The following ADGRG7 variants were observed in gnomAD, a reference collection of about 807,000 sequenced individuals.
The protein encoded by ADGRG7 is G-protein coupled receptor 128.
In ADGRG7, 82 loss-of-function variants were observed where a neutral mutation model predicts 88.6. The observed-to-expected ratio is 0.93, with a 90% confidence interval of 0.77 to 1.11. ADGRG7 has a LOEUF of 1.11. Among genes scored for constraint, ADGRG7 ranks in the 50% most tolerant of loss-of-function variants. ADGRG7 has a pLI of 0.00. For synonymous variants in ADGRG7, 381 were observed against 345.2 expected, an observed-to-expected ratio of 1.10 and a Z score of -1.15; for missense variants, 945 against 953.4, an observed-to-expected ratio of 0.99 and a Z score of 0.12.
At chr3:100,688,677 T>C (rs1023941302) in intron 15 of ADGRG7, among the ~76,000 whole-genome samples, 2 of 152,234 alleles carry the variant, frequency 1.3e-5, no homozygotes, top group African/African-American at 4.8e-5. Flanking sequence ...TTCCATGTAG[T>C]TGAGCGGTTT....
intron 15 of ADGRG7, among the ~76,000 whole-genome samples, chr3:100,690,082 C>A (rs2094990621): frequency 6.6e-6 from 1 of 152,122 alleles, no homozygotes; most frequent in African/African-American, 2.4e-5. Context: ...TCTTTTTATT[C>A]TTTTTTCTCT....
intron 14 of ADGRG7, among the ~76,000 whole-genome samples, chr3:100,661,937 T>C (rs913147153): frequency 6.6e-6 from 1 of 152,172 alleles, no homozygotes. Flanking sequence ...ACTCTATAGA[T>C]TCCAGTATTA....
intron 1 of ADGRG7, among the ~76,000 whole-genome samples, chr3:100,627,257 G>A (rs971365695): frequency 1.3e-5 from 2 of 152,024 alleles, no homozygotes; most frequent in African/African-American, 2.4e-5. Context: ...TTTATTTCTC[G>A]TTTGCTGAGA....
intron 14 of ADGRG7, among the ~76,000 whole-genome samples, chr3:100,663,135 G>A (rs2094947689): frequency 6.6e-6 from 1 of 152,078 alleles, no homozygotes; most frequent in African/African-American, 2.4e-5. Flanking sequence ...AGAGAGTAGG[G>A]GAACTAAGGG....
At chr3:100,660,256 C>T (rs780428237) in intron 14 of ADGRG7, among the ~76,000 whole-genome samples, 2 of 152,178 alleles carry the variant, frequency 1.3e-5, no homozygotes, top group Non-Finnish European at 2.9e-5. Context: ...CTATATTTTA[C>T]ATGTGTTGCT....
At chr3:100,643,779 T>C in intron 8 of ADGRG7, 146 bp downstream of exon 8, 3 of 595,216 alleles carry the variant, frequency 5.0e-6, no homozygotes, top group South Asian at 2.3e-5. Flanking sequence ...TGACATATTA[T>C]GGTAATCTCA....
At chr3:100,646,466 A>G (rs1486006951) in intron 9 of ADGRG7, 103 bp from the exon 10 acceptor site, 2 of 849,420 alleles carry the variant, frequency 2.4e-6, no homozygotes, top group East Asian at 5.2e-5. Context: ...TGCTTAGTAT[A>G]TATTTAATTC....
intron 1 of ADGRG7, among the ~76,000 whole-genome samples, chr3:100,619,039 A>G (rs1707268380): frequency 1.3e-5 from 2 of 152,162 alleles, no homozygotes; most frequent in African/African-American, 2.4e-5. Context: ...GGTGTATAAG[A>G]ATGCTTGTGA....
chr3:100,626,161 G>A (rs148932252), intron 1 of ADGRG7, among the ~76,000 whole-genome samples: 2,281 of 152,206 alleles, frequency 0.015, 48 homozygotes, highest in African/African-American at 0.051. Flanking sequence ...TTGGTTGGTA[G>A]GCTAGTAATT....
At chr3:100,625,119 C>T (rs935836523) in intron 1 of ADGRG7, among the ~76,000 whole-genome samples, 7 of 152,146 alleles carry the variant, frequency 4.6e-5, no homozygotes, top group African/African-American at 1.7e-4. Flanking sequence ...CTATGAATTG[C>T]TCTTGGCAGT....
chr3:100,616,425 A>G (rs1707225653), intron 1 of ADGRG7, among the ~76,000 whole-genome samples: 1 of 152,200 alleles, frequency 6.6e-6, no homozygotes, highest in Non-Finnish European at 1.5e-5. Context: ...TTTTAAAAAG[A>G]ATAGGAGAAT....
intron 15 of ADGRG7, among the ~76,000 whole-genome samples, chr3:100,683,827 TA>T (rs1362390747): frequency 2.0e-5 from 3 of 152,234 alleles, no homozygotes; most frequent in African/African-American, 7.2e-5. Flanking sequence ...GTTCTCAAAT[TA>T]TTTTTTTATA....
At chr3:100,634,349 A>G (rs1274585434) in intron 4 of ADGRG7, among the ~76,000 whole-genome samples, 1 of 152,202 alleles carries the variant, frequency 6.6e-6, no homozygotes, top group African/African-American at 2.4e-5. Flanking sequence ...TATAGCCAAT[A>G]ACACTTACTA....
rs188471623 is a variant in ADGRG7 at position 100,670,725 on chromosome 3, C to T, written c.2136+1620C>T. Among the ~76,000 whole-genome samples the T allele has an allele frequency of 6.3e-4, 96 of 152,236 alleles. 1 individual carries two copies. Among genetic ancestry groups the T allele is most frequent in the African/African-American group, 1.7e-3 (72 of 41,544 alleles). ...ATCCCTTCCCTAGCCCCCCAGCCCCCGACAGGCCCCAGTGTGTGATGTTCC... is the reference window on the plus strand; with the variant it reads ...ATCCCTTCCCTAGCCCCCCAGCCCCTGACAGGCCCCAGTGTGTGATGTTCC... On this transcript the variant is annotated intron_variant, in intron 15 of 15. Coordinates refer to ENST00000273352, the MANE Select transcript of ADGRG7 (RefSeq NM_032787.3).
At chr3:100,674,294 A>C (rs923175970) in intron 15 of ADGRG7, among the ~76,000 whole-genome samples, 2 of 152,138 alleles carry the variant, frequency 1.3e-5, no homozygotes, top group African/African-American at 4.8e-5. Context: ...GTTCCATATA[A>C]ATTTTAGGAA....
intron 1 of ADGRG7, among the ~76,000 whole-genome samples, chr3:100,616,681 C>T (rs1419418493): frequency 6.6e-6 from 1 of 152,176 alleles, no homozygotes; most frequent in Non-Finnish European, 1.5e-5. Context: ...AATAACCAGG[C>T]GTAGTGGCGC....
At chr3:100,621,097 G>T (rs538643114) in intron 1 of ADGRG7, among the ~76,000 whole-genome samples, 1 of 152,208 alleles carries the variant, frequency 6.6e-6, no homozygotes, top group East Asian at 1.9e-4. Context: ...AATAAATGTT[G>T]TATGTGTTCT....
intron 15 of ADGRG7, among the ~76,000 whole-genome samples, chr3:100,690,004 A>G (rs559546768): frequency 2.0e-5 from 3 of 152,282 alleles, no homozygotes; most frequent in Admixed American, 1.3e-4. Flanking sequence ...CGTCACTTTC[A>G]GGTACACCAA....
At chr3:100,676,962 T>C (rs1342879385) in intron 15 of ADGRG7, among the ~76,000 whole-genome samples, 3 of 152,104 alleles carry the variant, frequency 2.0e-5, no homozygotes, top group Non-Finnish European at 4.4e-5. Flanking sequence ...TCCATCCATT[T>C]ATTTTCAGTC....
Sources: gnomAD v4.1 joint callset for allele counts (sites outside exome capture counted in the v4.1 genomes callset) on GRCh38, gnomAD v4.1.1 for gene constraint, MANE v1.5 for transcripts, NCBI Gene and HGNC (gene_info 2026-07-23, HGNC 2026-07-21) for gene names.